Variants in TMEM38B observed in about 807,000 individuals in gnomAD.
The protein encoded by TMEM38B is trimeric intracellular cation channel type B.
Under a neutral mutation model 28.7 loss-of-function variants are expected in TMEM38B, and 24 were observed. The ratio of observed to expected loss-of-function variants is 0.84; its 90% CI spans 0.61 to 1.18. TMEM38B has a LOEUF of 1.18. TMEM38B is among the 50% of genes most tolerant of loss of function. TMEM38B has a pLI of 0.00. For missense variants in TMEM38B, 380 were observed against 350.9 expected, an observed-to-expected ratio of 1.08 and a Z score of -0.66; for synonymous variants, 131 against 127.7, an observed-to-expected ratio of 1.03 and a Z score of -0.17.
intron 5 of TMEM38B, among the ~76,000 whole-genome samples, chr9:105,768,907 T>A (rs1826458325): frequency 2.0e-5 from 3 of 152,210 alleles, no homozygotes; most frequent in Admixed American, 2.0e-4. Context: ...AGGTCTTTTT[T>A]ATATCCTTCC....
intron 5 of TMEM38B, among the ~76,000 whole-genome samples, chr9:105,769,647 T>C (rs1826484892): frequency 1.3e-5 from 2 of 152,186 alleles, no homozygotes; most frequent in African/African-American, 4.8e-5. Flanking sequence ...TCTTTTTCAG[T>C]GTTTTCTGGA....
intron 5 of TMEM38B, among the ~76,000 whole-genome samples, chr9:105,764,265 T>C (rs1838177080): frequency 6.6e-6 from 1 of 152,170 alleles, no homozygotes; most frequent in Non-Finnish European, 1.5e-5. Flanking sequence ...TAAAGGGTAT[T>C]CAGTTAGGAA....
At position 105,694,784 on chromosome 9, in the gene TMEM38B, G is replaced by GCGCCGCGGGC; in HGVS notation, c.112+15_112+24dup. On this transcript the variant is annotated intron_variant, in intron 1 of 5. Transcript: ENST00000374692. ...GAAACGTCAGCCGGGTGAGTGCGGG[G>GCGCCGCGGGC]CGCCGCGGGCCGGACCCCTCAGAGT... The GCGCCGCGGGC allele has an allele frequency of 6.2e-7, 1 of 1,604,110 alleles. No individual in the cohort carries two copies. Among genetic ancestry groups the GCGCCGCGGGC allele is most frequent in the Non-Finnish European group, 8.5e-7 (1 of 1,174,938 alleles).
chr9:105,705,346 G>A (rs1217020220), intron 1 of TMEM38B, among the ~76,000 whole-genome samples: 1 of 152,218 alleles, frequency 6.6e-6, no homozygotes, highest in African/African-American at 2.4e-5. Flanking sequence ...AACTGGCAAT[G>A]ACAGCCTAAA....
Position 105,694,599 on chromosome 9 carries a change from ACCGCGCGAGCGCGGGGAACCAGTAG to A in TMEM38B, c.-56_-32del. On this transcript the variant is annotated 5_prime_UTR_variant, in exon 1 of 6. Coordinates refer to ENST00000374692, the MANE Select transcript of TMEM38B (RefSeq NM_018112.3). ...GCGGCTGTGCCCTCTCCTACTCCTC[ACCGCGCGAGCGCGGGGAACCAGTAG>A]CCGCGGCTGCTTCGGTTGCCGCGGT... The A allele has an allele frequency of 7.0e-7, 1 of 1,429,772 alleles. No individual in the cohort carries two copies. The allele number at this position is 1,429,772 out of a possible 1,614,324, so 88.6% of individuals were successfully genotyped here. A position where few individuals can be genotyped will look rare whatever the true frequency, so the allele number is the denominator to read the frequency against.
intron 1 of TMEM38B, among the ~76,000 whole-genome samples, chr9:105,699,562 T>C (rs1394477802): frequency 1.3e-5 from 2 of 152,200 alleles, no homozygotes; most frequent in Non-Finnish European, 2.9e-5. Flanking sequence ...TAAAGGGGAT[T>C]AACTCTTTTC....
At chr9:105,704,383 C>T (rs10978210) in intron 1 of TMEM38B, among the ~76,000 whole-genome samples, 31,668 of 151,868 alleles carry the variant, frequency 0.21, 5,102 homozygotes, top group East Asian at 0.46. Context: ...GGCAACAGAG[C>T]GAGACCCTGT....
At chr9:105,739,186 C>T (rs919469791) in intron 4 of TMEM38B, among the ~76,000 whole-genome samples, 5 of 152,150 alleles carry the variant, frequency 3.3e-5, no homozygotes, top group African/African-American at 1.2e-4. Flanking sequence ...TATTTCTAGA[C>T]TGTCTGTTCT....
In TMEM38B at chr9:105,758,356, A is replaced by G. The variant is rs575084058; in HGVS notation, c.660+10166A>G. 11 of 1,000,830 alleles carry G rather than the reference A, an allele frequency of 1.1e-5. No homozygotes were observed. In the East Asian group the frequency reaches 1.2e-4, roughly 11 times the overall value. The allele number at this position is 1,000,830 out of a possible 1,614,324, so 62.0% of individuals were successfully genotyped here. Reference sequence around the variant, plus strand: ...GATCTTCCTGGTATGGCGATCTTACATGGATTCTGCTACTTATGGAATGAA... The same window carrying G: ...GATCTTCCTGGTATGGCGATCTTACGTGGATTCTGCTACTTATGGAATGAA... On this transcript the variant is annotated intron_variant, in intron 5 of 5. Coordinates refer to ENST00000374692, the MANE Select transcript of TMEM38B (RefSeq NM_018112.3).
In TMEM38B at chr9:105,774,122, T is replaced by A. The variant is rs776036587; in HGVS notation, c.*42T>A. ...CTACAAGGCCAAAAATTTTTTTTCTTATCTACCTGTTATATTGTGCTAATT... is the reference window on the plus strand; with the variant it reads ...CTACAAGGCCAAAAATTTTTTTTCTAATCTACCTGTTATATTGTGCTAATT... On this transcript the variant is annotated 3_prime_UTR_variant, in exon 6 of 6. Transcript: ENST00000374692. 3.6e-5 allele frequency: 56 copies of A among 1,538,330 alleles called. No homozygotes were observed. The Admixed American group carries it at 8.9e-4, about 25-fold the overall frequency.
At chr9:105,736,708 G>A (rs1347141137) in intron 4 of TMEM38B, among the ~76,000 whole-genome samples, 1 of 152,054 alleles carries the variant, frequency 6.6e-6, no homozygotes, top group Non-Finnish European at 1.5e-5. Flanking sequence ...ATTTATATCT[G>A]TACATCTCAT....
At chr9:105,751,192 T>C (rs865807240) in intron 5 of TMEM38B, among the ~76,000 whole-genome samples, 2 of 152,150 alleles carry the variant, frequency 1.3e-5, no homozygotes, top group Admixed American at 6.5e-5. Flanking sequence ...AGTTCTTGCA[T>C]TGGGACTGTC....
At chr9:105,706,483 C>T (rs1835671574) in intron 2 of TMEM38B, among the ~76,000 whole-genome samples, 1 of 152,182 alleles carries the variant, frequency 6.6e-6, no homozygotes, top group Non-Finnish European at 1.5e-5. Context: ...TGAATAAAGA[C>T]AGAGCGAGGT....
intron 2 of TMEM38B, among the ~76,000 whole-genome samples, chr9:105,714,080 C>A (rs1836006878): frequency 8.3e-6 from 1 of 120,520 alleles, no homozygotes; most frequent in South Asian, 2.5e-4. Context: ...AGAGGAGCTA[C>A]CCTCTCTGTT....
At chr9:105,698,680 A>G (rs952302582) in intron 1 of TMEM38B, among the ~76,000 whole-genome samples, 2 of 152,036 alleles carry the variant, frequency 1.3e-5, no homozygotes, top group Non-Finnish European at 2.9e-5. Context: ...AAATGAGCCT[A>G]TTAGGTTATT....
intron 5 of TMEM38B, chr9:105,758,026 C>G (rs1837896317): frequency 4.2e-6 from 1 of 239,874 alleles, no homozygotes; most frequent in African/African-American, 2.2e-5. Context: ...ATCAGAACCA[C>G]TTTAAAAAAA....
At chr9:105,732,599 G>T (rs187820045) in intron 4 of TMEM38B, among the ~76,000 whole-genome samples, 5 of 152,224 alleles carry the variant, frequency 3.3e-5, no homozygotes, top group African/African-American at 9.6e-5. Context: ...TCTCAGATTT[G>T]TCAAAGATCA....
At position 105,734,865 on chromosome 9, in the gene TMEM38B, C is replaced by CT. The variant is rs35839234; in HGVS notation, c.542+12259dup. On this transcript the variant is annotated intron_variant, in intron 4 of 5. Coordinates refer to ENST00000374692, the MANE Select transcript of TMEM38B (RefSeq NM_018112.3). ...CCTTGTAGGCAGCATGTAGTTGGAT[C>CT]TTTTTTTTTTTTTTTGTCAGTTCAA... is the stretch of plus-strand genomic sequence containing the variant. Among the ~76,000 whole-genome samples the CT allele has an allele frequency of 2.8e-3, 378 of 135,088 alleles. 1 individual carries two copies. Among genetic ancestry groups the CT allele is most frequent in the East Asian group, 0.019 (90 of 4,790 alleles). 88.6% of individuals were successfully genotyped at this position (135,088 alleles called of 152,430 possible). A position where few individuals can be genotyped will look rare whatever the true frequency, so the allele number is the denominator to read the frequency against.
rs1256935111 is a variant in TMEM38B at position 105,750,874 on chromosome 9, C to T, written c.660+2684C>T. Among the ~76,000 whole-genome samples, 12 of 152,280 alleles carry T rather than the reference C, an allele frequency of 7.9e-5. No homozygotes were observed. In the East Asian group the frequency reaches 2.3e-3, roughly 29 times the overall value. On this transcript the variant is annotated intron_variant, in intron 5 of 5. Coordinates refer to ENST00000374692, the MANE Select transcript of TMEM38B (RefSeq NM_018112.3). ...TCATGTGGATATATAGTTGTCTGAG[C>T]ACTATTTATTGTAAAAACCGTTCTT...
Sources: gnomAD v4.1 joint callset for allele counts (sites outside exome capture counted in the v4.1 genomes callset) on GRCh38, gnomAD v4.1.1 for gene constraint, MANE v1.5 for transcripts, NCBI Gene and HGNC (gene_info 2026-07-23, HGNC 2026-07-21) for gene names.